Variants in NPIPB8 observed in about 807,000 individuals in gnomAD.
NPIPB8 encodes the protein nuclear pore complex interacting protein family member B8.
In NPIPB8, 3 loss-of-function variants were observed where a neutral mutation model predicts 5.3. The ratio of observed to expected loss-of-function variants is 0.57; its 90% CI spans 0.26 to 1.47. The LOEUF (loss-of-function observed/expected upper bound fraction) is 1.47. Among genes scored for constraint, NPIPB8 ranks in the 40% most tolerant of loss-of-function variants. The pLI is 0.13. For missense variants in NPIPB8, 50 were observed against 50.2 expected (o/e 1.00, Z 0.01); for synonymous variants, 18 against 23.0 (o/e 0.78, Z 0.62).
At chr16:28,638,626 G>A (rs142568930) in intron 2 of NPIPB8, 146 bp downstream of exon 2, 18,590 of 1,358,748 alleles carry the variant, frequency 0.014, 186 homozygotes, top group Non-Finnish European at 0.016. Flanking sequence ...CATACAAGTG[G>A]CTTAGGGATG....
intron 2 of NPIPB8, among the ~76,000 whole-genome samples, chr16:28,642,111 T>A (rs1178708724): frequency 6.6e-6 from 1 of 151,464 alleles, no homozygotes; most frequent in Non-Finnish European, 1.5e-5. Flanking sequence ...GGGCTTCTTT[T>A]TTTTTTTGAG....
intron 3 of NPIPB8, among the ~76,000 whole-genome samples, chr16:28,651,282 C>A (rs1168870815): frequency 3.1e-5 from 1 of 32,758 alleles, no homozygotes; most frequent in African/African-American, 2.1e-4. Context: ...CGCACCTGGG[C>A]TATTTTTTTT....
chr16:28,651,284 ATTTTTTTTTTTTT>A, intron 3 of NPIPB8, among the ~76,000 whole-genome samples: 1 of 10,954 alleles, frequency 9.1e-5, no homozygotes, highest in Admixed American at 8.2e-4. Context: ...CACCTGGGCT[ATTTTTTTTTTTTT>A]TTTTTTTTTT....
chr16:28,639,087 T>A (rs1447382986), intron 2 of NPIPB8, among the ~76,000 whole-genome samples: 3 of 147,996 alleles, frequency 2.0e-5, no homozygotes, highest in East Asian at 1.9e-4. Context: ...AAAAAAATTA[T>A]CCTGCAAAAT....
At chr16:28,638,733 C>A (rs868676160) in intron 2 of NPIPB8, among the ~76,000 whole-genome samples, 68 of 150,436 alleles carry the variant, frequency 4.5e-4, no homozygotes, top group South Asian at 2.5e-3. Flanking sequence ...GAAAAACAAC[C>A]AGACAAGTGC....
chr16:28,639,343 G>A (rs1233738804), intron 2 of NPIPB8, among the ~76,000 whole-genome samples: 1 of 147,856 alleles, frequency 6.8e-6, no homozygotes, highest in Non-Finnish European at 1.5e-5. Context: ...ACATTATCTT[G>A]TCTTTTAAAA....
At chr16:28,651,607 TG>T (rs1464334404) in intron 3 of NPIPB8, among the ~76,000 whole-genome samples, 6 of 30,440 alleles carry the variant, frequency 2.0e-4, no homozygotes, top group African/African-American at 1.2e-3. Context: ...GTCATTCTTG[TG>T]TGTGTGTGTG....
At chr16:28,644,577 A>T in intron 2 of NPIPB8, 1 of 1,510,268 alleles carries the variant, frequency 6.6e-7, no homozygotes, top group Middle Eastern at 2.4e-4. Flanking sequence ...GGGCGCCCTG[A>T]AAGGACCAGG....
At chr16:28,641,235 T>C (rs2151746096) in intron 2 of NPIPB8, among the ~76,000 whole-genome samples, 1 of 151,596 alleles carries the variant, frequency 6.6e-6, no homozygotes, top group East Asian at 1.9e-4. Flanking sequence ...TGTGAGCCTG[T>C]ACCCTGCCGG....
intron 2 of NPIPB8, 90 bp downstream of exon 2, chr16:28,638,570 G>A (rs1307754855): frequency 4.2e-6 from 6 of 1,421,492 alleles, no homozygotes; most frequent in African/African-American, 1.5e-5. Context: ...TGATGCTGGG[G>A]GAAGCTTACG....
intron 2 of NPIPB8, among the ~76,000 whole-genome samples, chr16:28,640,172 C>G (rs1220594403): frequency 6.6e-6 from 1 of 151,980 alleles, no homozygotes; most frequent in African/African-American, 2.4e-5. Flanking sequence ...GTTCTGACGG[C>G]AGGCTAGTCT....
At chr16:28,644,547 C>A in intron 2 of NPIPB8, 1 of 1,474,596 alleles carries the variant, frequency 6.8e-7, no homozygotes, top group African/African-American at 1.6e-5. Flanking sequence ...GCCACCTCCA[C>A]CTCTGTCCTG....
intron 2 of NPIPB8, among the ~76,000 whole-genome samples, chr16:28,639,463 T>C (rs1301124687): frequency 7.5e-6 from 1 of 133,566 alleles, no homozygotes; most frequent in African/African-American, 2.8e-5. Flanking sequence ...ATATTTTTTT[T>C]TTTTTTTTTT....
intron 2 of NPIPB8, among the ~76,000 whole-genome samples, chr16:28,638,996 GA>G: frequency 6.7e-6 from 1 of 150,322 alleles, no homozygotes; most frequent in Non-Finnish European, 1.5e-5. Context: ...TTAGATTCAG[GA>G]GGTGGAGGTT....
chr16:28,642,733 C>G (rs1227071025), intron 2 of NPIPB8, among the ~76,000 whole-genome samples: 2 of 151,626 alleles, frequency 1.3e-5, no homozygotes, highest in Non-Finnish European at 2.9e-5. Flanking sequence ...CCGCCCACCT[C>G]GGCCTCCCAA....
Position 28,638,126 on chromosome 16 carries a change from C to T in NPIPB8, c.-63C>T. Reference sequence around the variant, plus strand: ...TGAATGACGAATGAAACTATTGTTCCTGTTTCACACAGAAGAAAACTGAGG... The same window carrying T: ...TGAATGACGAATGAAACTATTGTTCTTGTTTCACACAGAAGAAAACTGAGG... On this transcript the variant is annotated 5_prime_UTR_variant, in exon 1 of 8. Coordinates refer to ENST00000683297, the MANE Select transcript of NPIPB8 (RefSeq NM_001310136.2). 1 of 644,754 alleles carries T rather than the reference C, an allele frequency of 1.6e-6. No homozygotes were observed. The highest frequency in any genetic ancestry group is 2.0e-5 in the South Asian group (1 of 50,472). 39.9% of individuals were successfully genotyped at this position (644,754 alleles called of 1,614,324 possible). A position where few individuals can be genotyped will look rare whatever the true frequency, so the allele number is the denominator to read the frequency against.
intron 5 of NPIPB8, among the ~76,000 whole-genome samples, chr16:28,652,901 C>G (rs1253849432): frequency 2.0e-4 from 18 of 90,908 alleles, no homozygotes; most frequent in African/African-American, 8.5e-4. Context: ...CACACCCAGG[C>G]TTTTTTTTTT....
rs534913919 is a variant in NPIPB8, at chr16:28,652,726, C to A, written c.599+362C>A. On this transcript the variant is annotated intron_variant, in intron 5 of 7. Coordinates refer to ENST00000683297, the MANE Select transcript of NPIPB8 (RefSeq NM_001310136.2). ...AAGCAATTCTCCTGTCTCAGCCTCCCAAGTAGCTGGGATTACAGGTGCCCA... is the reference window on the plus strand; with the variant it reads ...AAGCAATTCTCCTGTCTCAGCCTCCAAAGTAGCTGGGATTACAGGTGCCCA... Among the ~76,000 whole-genome samples the A allele has an allele frequency of 7.8e-3, 1,019 of 130,782 alleles. 82 individuals carry two copies. Among genetic ancestry groups the A allele is most frequent in the Non-Finnish European group, 0.011 (682 of 60,560 alleles). 85.8% of individuals were successfully genotyped at this position (130,782 alleles called of 152,430 possible). A position where few individuals can be genotyped will look rare whatever the true frequency, so the allele number is the denominator to read the frequency against.
chr16:28,639,842 G>C (rs1190549966), intron 2 of NPIPB8, among the ~76,000 whole-genome samples: 1 of 150,312 alleles, frequency 6.7e-6, no homozygotes, highest in Non-Finnish European at 1.5e-5. Context: ...TAAAAATAAA[G>C]ATTGAAAGAA....
Sources: gnomAD v4.1 joint callset for allele counts (sites outside exome capture counted in the v4.1 genomes callset) on GRCh38, gnomAD v4.1.1 for gene constraint, MANE v1.5 for transcripts, NCBI Gene and HGNC (gene_info 2026-07-23, HGNC 2026-07-21) for gene names.